The following CNTN6 variants were observed in gnomAD, a reference collection of about 807,000 sequenced individuals.
The protein encoded by CNTN6 is contactin 6.
In CNTN6, 137 loss-of-function variants were observed where a neutral mutation model predicts 122.8. The observed-to-expected ratio is 1.12, with a 90% CI of 0.97 to 1.29. The LOEUF (loss-of-function observed/expected upper bound fraction) is 1.29, where lower values mean the gene tolerates loss of function less well. Among genes scored for constraint, CNTN6 ranks in the 50% most tolerant of loss-of-function variants. CNTN6 has a pLI of 0.00. For missense variants in CNTN6, 1,634 were observed against 1,223.4 expected, an observed-to-expected ratio of 1.34 and a Z score of -5.01; for synonymous variants, 570 against 426.0, an observed-to-expected ratio of 1.34 and a Z score of -4.16.
At chr3:1,367,240 G>T (rs559828796) in intron 12 of CNTN6, among the ~76,000 whole-genome samples, 15 of 152,086 alleles carry the variant, frequency 9.9e-5, no homozygotes, top group African/African-American at 3.4e-4. Context: ...TGTGCCGTAG[G>T]TCTCTAAAAC....
At chr3:1,400,049 A>C (rs149792) in intron 20 of CNTN6, among the ~76,000 whole-genome samples, 2,898 of 152,160 alleles carry the variant, frequency 0.019, 83 homozygotes, top group African/African-American at 0.066. Context: ...GCAATATGTG[A>C]ATCTTCCAGT....
chr3:1,281,199 A>C (rs933875048), intron 5 of CNTN6, among the ~76,000 whole-genome samples: 11 of 152,104 alleles, frequency 7.2e-5, no homozygotes, highest in African/African-American at 1.9e-4. Flanking sequence ...TCATCTTGGG[A>C]TTTTGCCCTA....
rs71619483 is a variant in CNTN6 at position 1,280,459 on chromosome 3, A to ATTTTTTTTTTTTTTTT, written c.454+1959_454+1974dup. Among the ~76,000 whole-genome samples the ATTTTTTTTTTTTTTTT allele has an allele frequency of 5.0e-3, 331 of 66,604 alleles. 72 individuals are homozygous for ATTTTTTTTTTTTTTTT. Among genetic ancestry groups the ATTTTTTTTTTTTTTTT allele is most frequent in the African/African-American group, 6.8e-3 (111 of 16,344 alleles). 43.7% of individuals were successfully genotyped at this position (66,604 alleles called of 152,430 possible). On this transcript the variant is annotated intron_variant, in intron 5 of 22. Coordinates refer to ENST00000446702, the MANE Select transcript of CNTN6 (RefSeq NM_001289080.2). ...GTAATGGCAAACTTGTGTAATACCA[A>ATTTTTTTTTTTTTTTT]TTTTTTTTTTTTTTTTTTTTTTTGT...
At chr3:1,329,732 C>T in intron 10 of CNTN6, 53 bp from the exon 11 acceptor site, 2 of 1,482,788 alleles carry the variant, frequency 1.3e-6, no homozygotes, top group Non-Finnish European at 1.8e-6. Flanking sequence ...CCCCTGGAGT[C>T]ACTACATGTT....
At chr3:1,249,948 G>GT (rs1425622428) in intron 4 of CNTN6, among the ~76,000 whole-genome samples, 2 of 151,564 alleles carry the variant, frequency 1.3e-5, no homozygotes, top group Non-Finnish European at 2.9e-5. Flanking sequence ...TTTTTTTGTT[G>GT]TTTTTTGTTT....
rs1705783669 is a variant in CNTN6 at position 1,352,376 on chromosome 3, G to T, written c.1417G>T (p.Asp473Tyr). The T allele has an allele frequency of 6.3e-7, 1 of 1,595,198 alleles. No individual in the cohort carries two copies. The highest frequency in any genetic ancestry group is 8.6e-7 in the Non-Finnish European group (1 of 1,168,426). Residue 473 changes from aspartate (D) to tyrosine (Y), a missense_variant, in exon 12 of 23, where the codon GAT (aspartate) becomes TAT (tyrosine). Transcript: ENST00000446702. ...SLKIYNITRS[D>Y]AGSYTCIATN... ...CAAGATATATAATATTACCAGGTCA[G>T]ATGCTGGATCATATACATGCATAGC... is the stretch of plus-strand genomic sequence containing the variant.
chr3:1,185,670 C>T (rs2093619101), intron 2 of CNTN6, among the ~76,000 whole-genome samples: 1 of 152,152 alleles, frequency 6.6e-6, no homozygotes, highest in Admixed American at 6.6e-5. Context: ...GTTAGAAAAG[C>T]TACATGTAGC....
intron 9 of CNTN6, among the ~76,000 whole-genome samples, chr3:1,326,662 A>T (rs1404612587): frequency 2.6e-5 from 4 of 151,974 alleles, no homozygotes; most frequent in African/African-American, 7.2e-5. Context: ...AATTGTGTCA[A>T]TTCTCCATTT....
chr3:1,375,591 G>A (rs1006466824), intron 16 of CNTN6, among the ~76,000 whole-genome samples: 1 of 152,062 alleles, frequency 6.6e-6, no homozygotes, highest in Non-Finnish European at 1.5e-5. Context: ...GCTAAACTAT[G>A]CAAAGATCCT....
chr3:1,216,786 C>G (rs2094136413), intron 2 of CNTN6, among the ~76,000 whole-genome samples: 1 of 152,152 alleles, frequency 6.6e-6, no homozygotes, highest in Non-Finnish European at 1.5e-5. Context: ...TTATTTTACC[C>G]AATTGCAAAT....
At chr3:1,311,124 T>G (rs1208528546) in intron 7 of CNTN6, among the ~76,000 whole-genome samples, 1 of 150,814 alleles carries the variant, frequency 6.6e-6, no homozygotes, top group Non-Finnish European at 1.5e-5. Flanking sequence ...TATATATACA[T>G]AGGTGTATGT....
chr3:1,272,350 C>A (rs541973308), intron 4 of CNTN6, among the ~76,000 whole-genome samples: 1 of 152,246 alleles, frequency 6.6e-6, no homozygotes, highest in Admixed American at 6.5e-5. Flanking sequence ...TTTCCTCCTT[C>A]GCTAAATGAA....
At chr3:1,171,349 C>T (rs1310809550) in intron 2 of CNTN6, among the ~76,000 whole-genome samples, 1 of 152,168 alleles carries the variant, frequency 6.6e-6, no homozygotes, top group Non-Finnish European at 1.5e-5. Flanking sequence ...GCTAAAATAA[C>T]CCACAATTTA....
At chr3:1,370,707 G>A in intron 12 of CNTN6, among the ~76,000 whole-genome samples, 1 of 151,984 alleles carries the variant, frequency 6.6e-6, no homozygotes, top group East Asian at 1.9e-4. Context: ...AATTTACCTG[G>A]CATGGTGGTG....
chr3:1,314,276 T>A (rs1319410944), intron 7 of CNTN6, among the ~76,000 whole-genome samples: 1 of 152,116 alleles, frequency 6.6e-6, no homozygotes, highest in East Asian at 1.9e-4. Flanking sequence ...TCTGAAAATG[T>A]AGCAAAGGCA....
chr3:1,331,375 G>A (rs116157187), intron 11 of CNTN6, among the ~76,000 whole-genome samples: 4,340 of 152,034 alleles, frequency 0.029, 79 homozygotes, highest in Admixed American at 0.055. Context: ...CATGTAAAGC[G>A]TTACCAGCTT....
intron 17 of CNTN6, among the ~76,000 whole-genome samples, chr3:1,380,181 G>A (rs756682409): frequency 5.3e-5 from 8 of 152,258 alleles, no homozygotes; most frequent in East Asian, 3.9e-4. Context: ...AAGGCACTGC[G>A]CGACACAAGA....
At chr3:1,113,676 A>G (rs926986356) in intron 1 of CNTN6, among the ~76,000 whole-genome samples, 1 of 152,096 alleles carries the variant, frequency 6.6e-6, no homozygotes, top group Non-Finnish European at 1.5e-5. Context: ...GTTTAAGGGG[A>G]TGGACTCAGG....
At chr3:1,316,179 A>T (rs983099439) in intron 7 of CNTN6, among the ~76,000 whole-genome samples, 2 of 151,942 alleles carry the variant, frequency 1.3e-5, no homozygotes, top group African/African-American at 4.8e-5. Context: ...ATTACTAATT[A>T]CCATGCTATA....
Sources: gnomAD v4.1 joint callset for allele counts (sites outside exome capture counted in the v4.1 genomes callset) on GRCh38, gnomAD v4.1.1 for gene constraint, MANE v1.5 for transcripts, NCBI Gene and HGNC (gene_info 2026-07-23, HGNC 2026-07-21) for gene names.